Variants in SDK1 observed in about 807,000 individuals in gnomAD.
SDK1 encodes the protein protein sidekick-1.
SDK1 carries 157 observed loss-of-function variants against 245.5 expected under a neutral mutation model. The ratio of observed to expected loss-of-function variants is 0.64; its 90% CI spans 0.56 to 0.73. The LOEUF (loss-of-function observed/expected upper bound fraction) is 0.73. Among genes scored for constraint, SDK1 ranks in the 30% least tolerant of loss-of-function variants. The probability of loss-of-function intolerance (pLI) is 0.00; values close to 1 mark genes in which losing one functional copy is unlikely to be tolerated. For synonymous variants in SDK1, 1,647 were observed against 1,278.5 expected (o/e 1.29, Z -6.15); for missense variants, 3,583 against 3,002.3 (o/e 1.19, Z -4.52).
intron 1 of SDK1, among the ~76,000 whole-genome samples, chr7:3,472,683 C>T (rs557850985): frequency 4.6e-5 from 7 of 152,248 alleles, no homozygotes; most frequent in South Asian, 2.1e-4. Context: ...TATGGAACAC[C>T]ATGAAACTTT....
chr7:3,679,304 T>G (rs948671165), intron 4 of SDK1, among the ~76,000 whole-genome samples: 1 of 151,884 alleles, frequency 6.6e-6, no homozygotes, highest in African/African-American at 2.4e-5. Flanking sequence ...CGGTGGCTCA[T>G]GCCTGTAATC....
At chr7:3,606,647 C>G (rs1380653228) in intron 1 of SDK1, among the ~76,000 whole-genome samples, 1 of 152,188 alleles carries the variant, frequency 6.6e-6, no homozygotes, top group Admixed American at 6.5e-5. Flanking sequence ...GAGTGCATGA[C>G]TCTCTTCATC....
At chr7:4,232,389 TTTC>T (rs1785835717) in intron 40 of SDK1, among the ~76,000 whole-genome samples, 1 of 118,178 alleles carries the variant, frequency 8.5e-6, no homozygotes, top group Non-Finnish European at 1.8e-5. Context: ...TTTTTCTTTT[TTTC>T]TTTTCTTTTC....
chr7:3,882,106 G>A (rs758819511), intron 5 of SDK1, among the ~76,000 whole-genome samples: 18 of 152,122 alleles, frequency 1.2e-4, no homozygotes, highest in Non-Finnish European at 2.6e-4. Flanking sequence ...AAGTGAAAGG[G>A]GAAACTCCTA....
At chr7:3,750,994 A>T (rs560015783) in intron 4 of SDK1, among the ~76,000 whole-genome samples, 42 of 152,176 alleles carry the variant, frequency 2.8e-4, no homozygotes, top group African/African-American at 9.6e-4. Context: ...ACCTTTTGAG[A>T]ACTGTCTTTT....
intron 1 of SDK1, among the ~76,000 whole-genome samples, chr7:3,398,213 T>A (rs1273763272): frequency 2.0e-5 from 3 of 152,132 alleles, no homozygotes; most frequent in African/African-American, 7.2e-5. Context: ...TTATTTTCTT[T>A]GGGCTTCCCT....
At position 4,026,332 on chromosome 7, in the gene SDK1, G is replaced by A. The variant is rs1787343843; in HGVS notation, c.2602+8980G>A. ...CAGAGCTTCCACCCTCGGTGGCCTT[G>A]GGCCCATGTTTTAGAAGCTCAGCGT... On this transcript the variant is annotated intron_variant, in intron 17 of 44. Coordinates refer to ENST00000404826, the MANE Select transcript of SDK1 (RefSeq NM_152744.4). This position sits in a 1 kb window ranked among gnomAD's most constrained non-coding sequence, Gnocchi z 4.1. Among the ~76,000 whole-genome samples the A allele has an allele frequency of 6.6e-6, 1 of 152,230 alleles. No individual in the cohort carries two copies. Among genetic ancestry groups the A allele is most frequent in the African/African-American group, 2.4e-5 (1 of 41,466 alleles).
At chr7:3,443,564 C>G (rs1366370673) in intron 1 of SDK1, among the ~76,000 whole-genome samples, 1 of 152,170 alleles carries the variant, frequency 6.6e-6, no homozygotes. Context: ...TGACTAGTTA[C>G]AAAATCCATA....
chr7:3,649,819 A>T (rs776912285), intron 4 of SDK1, among the ~76,000 whole-genome samples: 3 of 152,248 alleles, frequency 2.0e-5, no homozygotes, highest in Non-Finnish European at 4.4e-5. Context: ...AATGTCTGCA[A>T]GATGGGAAGG....
intron 4 of SDK1, among the ~76,000 whole-genome samples, chr7:3,648,850 C>T (rs1332097331): frequency 6.6e-6 from 1 of 152,268 alleles, no homozygotes; most frequent in African/African-American, 2.4e-5. Context: ...TAATTCTGAC[C>T]TTGGGAAAAT....
chr7:3,811,998 A>AACAGAGTTCATT (rs1158779428), intron 4 of SDK1, among the ~76,000 whole-genome samples: 27 of 152,306 alleles, frequency 1.8e-4, no homozygotes, highest in African/African-American at 6.0e-4. Flanking sequence ...CTGTAAAATG[A>AACAGAGTTCATT]ACAGACTGGC....
At chr7:3,650,197 G>A (rs1782968040) in intron 4 of SDK1, among the ~76,000 whole-genome samples, 1 of 152,140 alleles carries the variant, frequency 6.6e-6, no homozygotes, top group African/African-American at 2.4e-5. Flanking sequence ...GTACAGGTGT[G>A]AGTCACCATC....
At chr7:3,418,650 A>G (rs1452513656) in intron 1 of SDK1, among the ~76,000 whole-genome samples, 1 of 152,194 alleles carries the variant, frequency 6.6e-6, no homozygotes, top group Non-Finnish European at 1.5e-5. Context: ...GGCCTTGTGA[A>G]GGTATTTATT....
intron 1 of SDK1, among the ~76,000 whole-genome samples, chr7:3,453,275 C>A (rs536470114): frequency 1.3e-5 from 2 of 152,306 alleles, no homozygotes; most frequent in East Asian, 3.9e-4. Context: ...GCATGAGGAA[C>A]ATCACTGGCT....
chr7:4,084,241 A>G (rs1408861063), intron 22 of SDK1, among the ~76,000 whole-genome samples: 3 of 152,126 alleles, frequency 2.0e-5, no homozygotes, highest in African/African-American at 7.2e-5. Context: ...GTTACTTCCA[A>G]TGTTAAATAG....
intron 38 of SDK1, among the ~76,000 whole-genome samples, chr7:4,211,735 G>A (rs911814292): frequency 2.0e-5 from 3 of 152,200 alleles, no homozygotes; most frequent in East Asian, 1.9e-4. Context: ...TCAGCCTCCC[G>A]AGTAGCTGGG....
Position 4,220,222 on chromosome 7 carries a change from A to G in SDK1, c.5653A>G (p.Thr1885Ala). 6.2e-7 allele frequency: 1 copy of G among 1,613,468 alleles called. No individual in the cohort carries two copies. Among genetic ancestry groups the G allele is most frequent in the Non-Finnish European group, 8.5e-7 (1 of 1,179,936 alleles). Residue 1885 changes from threonine to alanine, a missense_variant, in exon 39 of 45, where the codon ACC (threonine) becomes GCC (alanine). By Grantham distance (58) the Thr-to-Ala change is moderately conservative. Transcript: ENST00000404826. ...CTTCCGTGTCCAAGCGCGGACCATC[A>G]CCTACGGGCCCGAGCTCCAAGCCAA... ...YFFRVQARTI[T>A]YGPELQANIT...
intron 4 of SDK1, among the ~76,000 whole-genome samples, chr7:3,767,392 G>C (rs112248205): frequency 6.6e-6 from 1 of 152,128 alleles, no homozygotes; most frequent in African/African-American, 2.4e-5. Context: ...AAAAAGTGCC[G>C]AGTGGTCCTG....
At chr7:3,582,632 C>G (rs1422594045) in intron 1 of SDK1, among the ~76,000 whole-genome samples, 1 of 128,628 alleles carries the variant, frequency 7.8e-6, no homozygotes, top group African/African-American at 3.0e-5. Flanking sequence ...ACCCTCGTGA[C>G]ATGAGCTTAC....
Sources: allele counts gnomAD v4.1 joint callset (sites outside exome capture counted in the v4.1 genomes callset), GRCh38; gene constraint gnomAD v4.1.1; non-coding constraint Gnocchi (gnomAD v3.1); transcripts MANE v1.5; gene names NCBI Gene and HGNC (gene_info 2026-07-23, HGNC 2026-07-21).